The following ZNF124 variants were observed in gnomAD, a reference collection of about 807,000 sequenced individuals.
ZNF124 encodes zinc finger protein 124, also known as zinc finger protein HZF-16.
In ZNF124, 25 loss-of-function variants were observed where a neutral mutation model predicts 26.6. The observed-to-expected ratio is 0.94, with a 90% CI of 0.68 to 1.31. The LOEUF is 1.31. Among genes scored for constraint, ZNF124 ranks in the 40% most tolerant of loss-of-function variants. ZNF124 has a pLI of 0.00. For missense variants in ZNF124, 444 were observed against 422.2 expected, an observed-to-expected ratio of 1.05 and a Z score of -0.45; for synonymous variants, 129 against 133.3, an observed-to-expected ratio of 0.97 and a Z score of 0.22.
chr1:247,144,807 G>A (rs571846734), intron 3 of ZNF124, among the ~76,000 whole-genome samples: 22 of 148,276 alleles, frequency 1.5e-4, no homozygotes, highest in African/African-American at 5.3e-4. Flanking sequence ...ACAGAGTCTC[G>A]CTCTGTCTCC....
intron 3 of ZNF124, among the ~76,000 whole-genome samples, chr1:247,133,716 C>T (rs6700358): frequency 0.31 from 45,063 of 146,188 alleles, 7,744 homozygotes; most frequent in African/African-American, 0.47. Flanking sequence ...TGCAGTGGTG[C>T]GATCTCAGCT....
intron 3 of ZNF124, among the ~76,000 whole-genome samples, chr1:247,136,024 A>T (rs752187151): frequency 5.9e-5 from 9 of 152,228 alleles, no homozygotes; most frequent in Non-Finnish European, 1.0e-4. Flanking sequence ...GATGGAACAT[A>T]TCTCAAAATA....
intron 1 of ZNF124, among the ~76,000 whole-genome samples, chr1:247,171,069 G>A (rs533404310): frequency 5.3e-4 from 13 of 24,316 alleles, no homozygotes; most frequent in African/African-American, 4.0e-3. Context: ...TTAACTTGAA[G>A]GGAAAGAAAA....
rs1367345386 is a variant in ZNF124, at chr1:247,157,476, A to C, written c.219-73T>G. On this transcript the variant is annotated intron_variant, in intron 3 of 3. Coordinates refer to ENST00000543802, the MANE Select transcript of ZNF124 (RefSeq NM_001297568.2). ...TTCATGTGGTTTTACTCTAGCAGGA[A>C]TTTTTTTGTTCAGATTAAAATTTGG... 3 of 1,451,210 alleles carry C rather than the reference A, an allele frequency of 2.1e-6. No individual in the cohort carries two copies. In the Admixed American group the frequency reaches 5.9e-5, roughly 29 times the overall value. 89.9% of individuals were successfully genotyped at this position (1,451,210 alleles called of 1,614,324 possible). A position where few individuals can be genotyped will look rare whatever the true frequency, so the allele number is the denominator to read the frequency against.
chr1:247,158,153 G>A (rs931068504), intron 3 of ZNF124, among the ~76,000 whole-genome samples: 13 of 152,116 alleles, frequency 8.5e-5, no homozygotes, highest in African/African-American at 3.1e-4. Context: ...GGGAGACTGA[G>A]TCCGGAGAAT....
intron 3 of ZNF124, among the ~76,000 whole-genome samples, chr1:247,124,585 C>A (rs1672162617): frequency 6.6e-6 from 1 of 152,132 alleles, no homozygotes; most frequent in East Asian, 1.9e-4. Flanking sequence ...TAAAGAAATT[C>A]TGCATCCTGT....
At chr1:247,128,940 C>G (rs75469198) in intron 3 of ZNF124, among the ~76,000 whole-genome samples, 5,250 of 33,714 alleles carry the variant, frequency 0.16, 195 homozygotes, top group Middle Eastern at 0.32. Context: ...GTACTTCCCC[C>G]AGCAGGATGG....
intron 3 of ZNF124, among the ~76,000 whole-genome samples, chr1:247,140,220 CAG>C (rs1385418980): frequency 6.6e-6 from 1 of 152,140 alleles, no homozygotes; most frequent in Non-Finnish European, 1.5e-5. Context: ...TGTCTTATTT[CAG>C]AGAGCCAGTC....
intron 1 of ZNF124, among the ~76,000 whole-genome samples, chr1:247,171,006 G>A (rs1211613865): frequency 1.9e-4 from 12 of 63,592 alleles, no homozygotes; most frequent in African/African-American, 1.1e-3. Context: ...TGATGATGGT[G>A]CCCTGAGTTC....
chr1:247,151,602 T>C (rs1313330231), downstream of ZNF124, among the ~76,000 whole-genome samples: 5 of 151,706 alleles, frequency 3.3e-5, no homozygotes, highest in Non-Finnish European at 7.4e-5. Context: ...ACTGGTAATA[T>C]CACCTACAGC....
intron 3 of ZNF124, among the ~76,000 whole-genome samples, chr1:247,148,498 C>A (rs1236094373): frequency 6.6e-6 from 1 of 152,138 alleles, no homozygotes; most frequent in Non-Finnish European, 1.5e-5. Flanking sequence ...GATTCCTAGG[C>A]CTGATGAAAA....
chr1:247,130,956 A>G (rs1672343597), intron 3 of ZNF124, among the ~76,000 whole-genome samples: 1 of 152,176 alleles, frequency 6.6e-6, no homozygotes, highest in Non-Finnish European at 1.5e-5. Flanking sequence ...TATGCCTGTA[A>G]TCCCAGCTAC....
chr1:247,143,758 C>T (rs546006266), intron 3 of ZNF124, among the ~76,000 whole-genome samples: 3 of 152,276 alleles, frequency 2.0e-5, no homozygotes, highest in South Asian at 2.1e-4. Context: ...TGATAAGATT[C>T]GTCTCTAGAT....
At chr1:247,130,584 C>G (rs189793221) in intron 3 of ZNF124, among the ~76,000 whole-genome samples, 1 of 152,042 alleles carries the variant, frequency 6.6e-6, no homozygotes, top group Non-Finnish European at 1.5e-5. Flanking sequence ...GTGTTAACAT[C>G]GAAATAATTT....
rs528631397 is a variant in ZNF124 at position 247,127,744 on chromosome 1, C to T, written c.219-3873G>A. 1.3e-4 allele frequency among the ~76,000 whole-genome samples: 19 copies of T among 149,296 alleles called. No individual in the cohort carries two copies. The South Asian group carries it at 4.0e-3, about 31-fold the overall frequency. On this transcript the variant is annotated intron_variant, in intron 3 of 3. Transcript: ENST00000472531. ...TGCTCAATCGATCACGACCCTCTCA[C>T]GCGGACCCCCTTAGAGCTGTAAGCC...
chr1:247,158,031 C>G (rs865991237), intron 3 of ZNF124, among the ~76,000 whole-genome samples: 1 of 151,872 alleles, frequency 6.6e-6, no homozygotes, highest in South Asian at 2.1e-4. Context: ...GGGCAGATCA[C>G]TTGAGGTCAG....
chr1:247,156,747 C>T lies in ZNF124; in HGVS notation c.875G>A (p.Cys292Tyr), dbSNP rs1346374197. The T allele has an allele frequency of 6.2e-7, 1 of 1,612,998 alleles. No homozygotes were observed. Among genetic ancestry groups the T allele is most frequent in the East Asian group, 2.2e-5 (1 of 44,876 alleles). ...KTHIAQKPYV[C>Y]NNCGKGFRCS... ...TCTGAAGCCTTTACCACAATTGTTA[C>T]ATACATAGGGTTTCTGTGCAATATG... Residue 292 changes from cysteine (C) to tyrosine (Y), a missense_variant, in exon 4 of 4, where the codon TGT (cysteine) becomes TAT (tyrosine). Cys to Tyr is a radical substitution (Grantham distance 194). Coordinates refer to ENST00000543802, the MANE Select transcript of ZNF124 (RefSeq NM_001297568.2).
intron 3 of ZNF124, among the ~76,000 whole-genome samples, chr1:247,140,864 C>T (rs1025261837): frequency 6.6e-6 from 1 of 152,168 alleles, no homozygotes; most frequent in African/African-American, 2.4e-5. Flanking sequence ...GTCATGCTCC[C>T]TCTCAATGTT....
chr1:247,170,293 A>G (rs906701911), intron 1 of ZNF124, among the ~76,000 whole-genome samples: 6 of 151,194 alleles, frequency 4.0e-5, no homozygotes, highest in African/African-American at 1.4e-4. Context: ...ACATTACTGC[A>G]TCTGGTTCAA....
Sources: allele counts gnomAD v4.1 joint callset (sites outside exome capture counted in the v4.1 genomes callset), GRCh38; gene constraint gnomAD v4.1.1; transcripts MANE v1.5; gene names NCBI Gene and HGNC (gene_info 2026-07-23, HGNC 2026-07-21).